The following CCDC91 variants were observed in gnomAD, a reference collection of about 807,000 sequenced individuals.
CCDC91 encodes coiled-coil domain-containing protein 91.
In CCDC91, 48 loss-of-function variants were observed where a neutral mutation model predicts 63.2. The ratio of observed to expected loss-of-function variants is 0.76; its 90% confidence interval spans 0.60 to 0.97. CCDC91 has a LOEUF of 0.97. Among genes scored for constraint, CCDC91 ranks in the 50% least tolerant of loss-of-function variants. The pLI is 0.00. For synonymous variants in CCDC91, 167 were observed against 165.8 expected, an observed-to-expected ratio of 1.01 and a Z score of -0.06; for missense variants, 500 against 494.6, an observed-to-expected ratio of 1.01 and a Z score of -0.10.
intron 12 of CCDC91, among the ~76,000 whole-genome samples, chr12:28,486,672 A>G (rs1951744831): frequency 6.6e-6 from 1 of 152,122 alleles, no homozygotes; most frequent in Non-Finnish European, 1.5e-5. Flanking sequence ...CATGAAGCAA[A>G]TTAACTTTGA....
At chr12:28,407,960 A>G (rs201142737) in intron 8 of CCDC91, among the ~76,000 whole-genome samples, 7 of 111,478 alleles carry the variant, frequency 6.3e-5, no homozygotes, top group African/African-American at 1.2e-4. Context: ...ACATATATAT[A>G]TATATTTTTT....
At chr12:28,305,096 A>C (rs1938564582) in intron 3 of CCDC91, among the ~76,000 whole-genome samples, 2 of 152,146 alleles carry the variant, frequency 1.3e-5, no homozygotes, top group African/African-American at 4.8e-5. Context: ...TTGTTGGATT[A>C]GTTGTTTCAA....
chr12:28,201,204 T>C (rs2423988), intron 1 of CCDC91, among the ~76,000 whole-genome samples: 37,241 of 143,730 alleles, frequency 0.26, 5,034 homozygotes, highest in Non-Finnish European at 0.31. Context: ...GGGTGACTGC[T>C]GGGCGGAGGG....
At chr12:28,258,265 T>C (rs181084632) in intron 2 of CCDC91, among the ~76,000 whole-genome samples, 5 of 152,040 alleles carry the variant, frequency 3.3e-5, no homozygotes, top group Admixed American at 2.6e-4. Context: ...GTAACATTTA[T>C]TTTTGTTAAA....
intron 7 of CCDC91, among the ~76,000 whole-genome samples, chr12:28,369,284 G>T (rs1036512641): frequency 2.0e-5 from 3 of 152,032 alleles, no homozygotes; most frequent in African/African-American, 7.2e-5. Flanking sequence ...GAAGAAATTG[G>T]CCAAAAAAAA....
chr12:28,307,310 A>C (rs1188141749), intron 5 of CCDC91, among the ~76,000 whole-genome samples: 7 of 151,966 alleles, frequency 4.6e-5, no homozygotes, highest in Admixed American at 4.6e-4. Context: ...AAGAGTACTT[A>C]GGTATACAGC....
At chr12:28,234,668 A>T (rs1223774703) in intron 1 of CCDC91, among the ~76,000 whole-genome samples, 1 of 152,136 alleles carries the variant, frequency 6.6e-6, no homozygotes, top group Non-Finnish European at 1.5e-5. Context: ...GGTAATGGAG[A>T]GCATTGGTTA....
chr12:28,193,033 A>G (rs1372301783), intron 1 of CCDC91, among the ~76,000 whole-genome samples: 1 of 152,162 alleles, frequency 6.6e-6, no homozygotes, highest in Non-Finnish European at 1.5e-5. Flanking sequence ...TCTTTCACTT[A>G]ATGCTTTGAT....
At chr12:28,275,931 C>T (rs1350712034) in intron 3 of CCDC91, among the ~76,000 whole-genome samples, 4 of 151,884 alleles carry the variant, frequency 2.6e-5, no homozygotes, top group African/African-American at 4.8e-5. Context: ...ACCCTTCATG[C>T]GAAAAACTCT....
chr12:28,195,975 T>C (rs1210866228), intron 1 of CCDC91, among the ~76,000 whole-genome samples: 1 of 152,118 alleles, frequency 6.6e-6, no homozygotes, highest in African/African-American at 2.4e-5. Flanking sequence ...TGTGTTGCCA[T>C]GCACCTGTAG....
chr12:28,281,842 A>G (rs190486373), intron 3 of CCDC91, among the ~76,000 whole-genome samples: 133 of 152,258 alleles, frequency 8.7e-4, no homozygotes, highest in Non-Finnish European at 1.6e-3. Context: ...TGTTGCTGAA[A>G]GGACATACTT....
intron 12 of CCDC91, among the ~76,000 whole-genome samples, chr12:28,529,587 A>G (rs1168295534): frequency 1.3e-5 from 2 of 152,210 alleles, no homozygotes; most frequent in Non-Finnish European, 1.5e-5. Context: ...GAGTGCATGC[A>G]CTTGGTCCTC....
At chr12:28,395,934 G>A (rs1424195855) in intron 8 of CCDC91, among the ~76,000 whole-genome samples, 2 of 152,170 alleles carry the variant, frequency 1.3e-5, no homozygotes, top group Admixed American at 1.3e-4. Context: ...TATTTAATGA[G>A]GGACTTTTGT....
intron 1 of CCDC91, among the ~76,000 whole-genome samples, chr12:28,192,127 C>T (rs1941310574): frequency 6.6e-6 from 1 of 152,152 alleles, no homozygotes; most frequent in Non-Finnish European, 1.5e-5. Flanking sequence ...CTTAATAACA[C>T]ACAAAAGAAA....
chr12:28,448,696 C>T (rs984150985), intron 8 of CCDC91, among the ~76,000 whole-genome samples: 10 of 152,036 alleles, frequency 6.6e-5, no homozygotes, highest in African/African-American at 2.2e-4. Flanking sequence ...TTATTAATAA[C>T]TCCAAAAATT....
In CCDC91 at chr12:28,301,442, T is replaced by TG. The variant is rs1215532676; in HGVS notation, c.110-4207_110-4206insG. On this transcript the variant is annotated intron_variant, in intron 3 of 12. Transcript: ENST00000536442. ...ATTGGTTCATTACATATCATTTTAA[T>TG]ATGGTGCTGGATTCATTTTTTTAAT... is the stretch of plus-strand genomic sequence containing the variant. Among the ~76,000 whole-genome samples, 122 of 151,786 alleles carry TG rather than the reference T, an allele frequency of 8.0e-4. 2 individuals carry two copies. Among genetic ancestry groups the TG allele is most frequent in the African/African-American group, 2.8e-3 (117 of 41,546 alleles).
chr12:28,344,955 T>C (rs1196220031), intron 6 of CCDC91, among the ~76,000 whole-genome samples: 5 of 152,170 alleles, frequency 3.3e-5, no homozygotes, highest in African/African-American at 9.6e-5. Flanking sequence ...TCCTCAGCTT[T>C]GGTGTCAGCC....
chr12:28,389,287 C>T lies in CCDC91; in HGVS notation c.655-2017C>T, dbSNP rs75391986. Among the ~76,000 whole-genome samples, 1,423 of 152,094 alleles carry T rather than the reference C, an allele frequency of 9.4e-3. 27 individuals are homozygous for T. Among genetic ancestry groups the T allele is most frequent in the African/African-American group, 0.032 (1,333 of 41,496 alleles). On this transcript the variant is annotated intron_variant, in intron 7 of 12. Transcript: ENST00000536442. ...TGATTGTCTTCAACTTCAGACTGGG[C>T]GCAATGTGGAAGACTTTTAAAAAAA... is the stretch of plus-strand genomic sequence containing the variant.
chr12:28,384,992 T>C (rs1199455073), intron 7 of CCDC91, among the ~76,000 whole-genome samples: 2 of 152,038 alleles, frequency 1.3e-5, no homozygotes, highest in Non-Finnish European at 2.9e-5. Flanking sequence ...CTTGAAGTAA[T>C]ATTTTGCTGA....
Sources: allele counts gnomAD v4.1 joint callset (sites outside exome capture counted in the v4.1 genomes callset), GRCh38; gene constraint gnomAD v4.1.1; transcripts MANE v1.5; gene names NCBI Gene and HGNC (gene_info 2026-07-23, HGNC 2026-07-21).